The following NF1 variants were observed in gnomAD, a reference collection of about 807,000 sequenced individuals.
NF1 encodes the protein neurofibromin.
Under a neutral mutation model 325.7 loss-of-function variants are expected in NF1, and 122 were observed. The ratio of observed to expected loss-of-function variants is 0.37; its 90% CI spans 0.32 to 0.44. The LOEUF (loss-of-function observed/expected upper bound fraction) is 0.44, where lower values mean the gene tolerates loss of function less well. Among genes scored for constraint, NF1 ranks in the 20% least tolerant of loss-of-function variants. NF1 has a pLI of 1.00. For missense variants in NF1, 2,140 were observed against 3,415.4 expected (o/e 0.63, Z 9.31); for synonymous variants, 1,091 against 1,186.0 (o/e 0.92, Z 1.65).
intron 57 of NF1, among the ~76,000 whole-genome samples, chr17:31,373,776 G>T (rs893456893): frequency 6.6e-6 from 1 of 152,280 alleles, no homozygotes; most frequent in African/African-American, 2.4e-5. Context: ...ACACAATATG[G>T]TAACCTGCTG....
At chr17:31,150,476 G>A (rs1209105802) in intron 1 of NF1, among the ~76,000 whole-genome samples, 2 of 152,032 alleles carry the variant, frequency 1.3e-5, no homozygotes, top group Non-Finnish European at 2.9e-5. Context: ...TGGGGTGGAG[G>A]GGTATTATGT....
intron 51 of NF1, 89 bp from the exon 52 acceptor site, chr17:31,356,371 C>T: frequency 7.1e-7 from 1 of 1,415,140 alleles, no homozygotes; most frequent in East Asian, 2.3e-5. Flanking sequence ...AGCTTAAACA[C>T]TTTATGTCCA....
chr17:31,108,878 G>GT (rs1913139902), intron 1 of NF1, among the ~76,000 whole-genome samples: 1 of 152,184 alleles, frequency 6.6e-6, no homozygotes, highest in African/African-American at 2.4e-5. Flanking sequence ...AGAGTAACAC[G>GT]TGGTGGAGGG....
At chr17:31,182,941 A>G in intron 8 of NF1, 1 of 592,360 alleles carries the variant, frequency 1.7e-6, no homozygotes, top group South Asian at 2.2e-5. Context: ...TACCTCTGTT[A>G]TTATTAAACG....
chr17:31,117,501 C>G (rs12939454), intron 1 of NF1, among the ~76,000 whole-genome samples: 1 of 149,606 alleles, frequency 6.7e-6, no homozygotes, highest in Non-Finnish European at 1.5e-5. Context: ...GAAACCCTGT[C>G]TCTACTAAAA....
intron 1 of NF1, among the ~76,000 whole-genome samples, chr17:31,099,211 A>G (rs372976614): frequency 2.6e-5 from 4 of 152,170 alleles, no homozygotes; most frequent in East Asian, 1.9e-4. Flanking sequence ...TGCTGATTAC[A>G]GACATATTGC....
chr17:31,220,073 TA>T (rs1198808096), intron 14 of NF1, among the ~76,000 whole-genome samples: 1 of 152,226 alleles, frequency 6.6e-6, no homozygotes, highest in Non-Finnish European at 1.5e-5. Context: ...GTGGAACTGC[TA>T]AGTCGTGTGG....
intron 1 of NF1, among the ~76,000 whole-genome samples, chr17:31,128,179 T>C (rs553381680): frequency 2.0e-5 from 3 of 151,662 alleles, no homozygotes; most frequent in Non-Finnish European, 4.4e-5. Flanking sequence ...CTCAAATTCC[T>C]GAGCTCAAGT....
At chr17:31,146,335 G>A (rs2952980) in intron 1 of NF1, among the ~76,000 whole-genome samples, 82,297 of 151,870 alleles carry the variant, frequency 0.54, 25,932 homozygotes, top group Middle Eastern at 0.76. Context: ...TGATCTGGAC[G>A]TAGGAGACCT....
intron 36 of NF1, among the ~76,000 whole-genome samples, chr17:31,310,578 T>G (rs1041277867): frequency 6.6e-6 from 1 of 152,116 alleles, no homozygotes; most frequent in Non-Finnish European, 1.5e-5. Context: ...CCTTTCAAAT[T>G]CATTTACCTT....
intron 57 of NF1, chr17:31,367,332 T>TGCTATGTG: frequency 8.6e-7 from 1 of 1,156,236 alleles, no homozygotes; most frequent in Non-Finnish European, 1.2e-6. Context: ...CCCACACTCA[T>TGCTATGTG]CCTGGGCACA....
chr17:31,159,114 T>G (rs1301047175), intron 3 of NF1, 21 bp downstream of exon 3: 1 of 1,493,214 alleles, frequency 6.7e-7, no homozygotes, highest in Non-Finnish European at 9.3e-7. Context: ...TGATCTTAAG[T>G]AGGCAGGCTT....
At chr17:31,102,892 T>A (rs1352113316) in intron 1 of NF1, among the ~76,000 whole-genome samples, 3 of 151,848 alleles carry the variant, frequency 2.0e-5, no homozygotes, top group Non-Finnish European at 4.4e-5. Context: ...ATTGCCCAGG[T>A]TGGAGTGCAG....
At chr17:31,135,937 G>T (rs1470729764) in intron 1 of NF1, among the ~76,000 whole-genome samples, 2 of 151,838 alleles carry the variant, frequency 1.3e-5, no homozygotes, top group East Asian at 3.9e-4. Flanking sequence ...TTGAGTCTCA[G>T]AATTTACCTC....
intron 15 of NF1, among the ~76,000 whole-genome samples, chr17:31,223,197 A>G (rs2066956844): frequency 6.6e-6 from 1 of 152,192 alleles, no homozygotes. Context: ...GGATAGAAAC[A>G]CTGGGAGTTT....
chr17:31,349,399 A>G, intron 49 of NF1, 148 bp downstream of exon 49: 1 of 766,016 alleles, frequency 1.3e-6, no homozygotes, highest in South Asian at 1.8e-5. Context: ...TACAATTTTG[A>G]GAGTTTTGCC....
In NF1 at chr17:31,232,069, T is replaced by TTTC. The variant is rs864622717; in HGVS notation, c.3198-4_3198-3insTTC. 8.4e-6 allele frequency: 11 copies of TTTC among 1,307,242 alleles called. No individual in the cohort carries two copies. Among genetic ancestry groups the TTTC allele is most frequent in the African/African-American group, 3.2e-5 (2 of 62,514 alleles). The allele number at this position is 1,307,242 out of a possible 1,614,324, so 81.0% of individuals were successfully genotyped here. ...TTTTTTTTTTTTTTTTTTTTTTTTT[T>TTTC]CAGAGATTTGGACCAGGCAAGCATG... On this transcript the variant is annotated splice_polypyrimidine_tract_variant and splice_region_variant and intron_variant, in intron 24 of 57. Coordinates refer to ENST00000358273, the MANE Select transcript of NF1 (RefSeq NM_001042492.3).
Position 31,200,946 on chromosome 17 carries a change from G to T in NF1, c.1063-91G>T, listed in dbSNP as rs369545294. ...TGGCAGCTGGATTTTACTGCCATTT[G>T]TGTGGGTAATGTGTTGATGTTATTA... On this transcript the variant is annotated intron_variant, in intron 9 of 57. Transcript: ENST00000358273. 33 of 1,565,216 alleles carry T rather than the reference G, an allele frequency of 2.1e-5. No homozygotes were observed. In the African/African-American group the frequency reaches 4.1e-4, roughly 19 times the overall value.
chr17:31,307,834 T>A, intron 36 of NF1: 1 of 1,203,994 alleles, frequency 8.3e-7, no homozygotes, highest in Non-Finnish European at 1.1e-6. Flanking sequence ...AAGCCTATAT[T>A]TAGAGAGATT....
Sources: gnomAD v4.1 joint callset for allele counts (sites outside exome capture counted in the v4.1 genomes callset) on GRCh38, gnomAD v4.1.1 for gene constraint, MANE v1.5 for transcripts, NCBI Gene and HGNC (gene_info 2026-07-23, HGNC 2026-07-21) for gene names.